NUBP2: variants seen among roughly 807,000 people sequenced by gnomAD.
NUBP2 encodes the protein NUBP iron-sulfur cluster assembly factor 2, cytosolic.
In NUBP2, 23 loss-of-function variants were observed where a neutral mutation model predicts 24.9. That is an observed-to-expected ratio of 0.92 (90% CI 0.66 to 1.31). The LOEUF is 1.31. NUBP2 is among the 50% of genes most tolerant of loss of function. NUBP2 has a pLI of 0.00. For missense variants in NUBP2, 403 were observed against 386.5 expected (o/e 1.04, Z -0.36); for synonymous variants, 186 against 170.9 (o/e 1.09, Z -0.69).
rs763798840 is a variant in NUBP2 at position 1,786,899 on chromosome 16, G to A, written c.278G>A (p.Gly93Asp). 7 of 1,556,448 alleles carry A rather than the reference G, an allele frequency of 4.5e-6. No individual in the cohort carries two copies. The African/African-American group carries it at 9.5e-5, about 21-fold the overall frequency. Residue 93 changes from glycine (G) to aspartate (D), a missense_variant, in exon 3 of 7, where the codon GGC becomes GAC. Transcript: ENST00000262302. ...CAGAGCATCTCGCTCATGTCTGTGG[G>A]CTTCCTGCTGGAGAAGCCGGACGAG... ...REQSISLMSVGFLLEKPDEAV... is the reference protein window; with the variant it reads ...REQSISLMSVDFLLEKPDEAV...
chr16:1,785,896 C>T (rs768689944), intron 1 of NUBP2: 39 of 1,286,296 alleles, frequency 3.0e-5, no homozygotes, highest in South Asian at 1.5e-4. Context: ...TCAGCGGTGG[C>T]GCCGGGGTGA....
In NUBP2 at chr16:1,786,868, C is replaced by G; in HGVS notation, c.247C>G (p.Arg83Gly). 6.3e-7 allele frequency: 1 copy of G among 1,589,646 alleles called. No individual in the cohort carries two copies. The highest frequency in any genetic ancestry group is 1.3e-5 in the African/African-American group (1 of 74,616). ...DRGWAPVFLD[R>G]EQSISLMSVG... ...CGGCTGGGCACCCGTCTTCCTGGAC[C>G]GGGAGCAGAGCATCTCGCTCATGTC... The change falls in exon 3 of 7, where the codon CGG (arginine) becomes GGG (glycine). Residue 83 changes from arginine (R) to glycine (G), a missense_variant. Transcript: ENST00000262302.
chr16:1,786,289 C>A, intron 1 of NUBP2: 1 of 541,102 alleles, frequency 1.8e-6, no homozygotes. Context: ...TTTCCACTCT[C>A]AGCAGCGCCG....
In NUBP2 at chr16:1,787,814, G is replaced by A. The variant is rs989535937; in HGVS notation, c.472G>A (p.Val158Met). Residue 158 changes from valine to methionine, a missense_variant, in exon 4 of 7, where the codon GTG becomes ATG. Transcript: ENST00000262302. ...LRPYQPLGAL[V>M]VTTPQAVSVG... ...TCCCTACCAGCCCCTGGGGGCCCTC[G>A]TGGTCACCACGCCCCAGGTAGCGCT... 15 of 1,611,234 alleles carry A rather than the reference G, an allele frequency of 9.3e-6. No homozygotes were observed. Among genetic ancestry groups the A allele is most frequent in the African/African-American group, 5.3e-5 (4 of 74,922 alleles).
rs200701229 is a variant in NUBP2 at position 1,787,959 on chromosome 16, G to T, written c.508G>T (p.Val170Leu). 7.0e-5 allele frequency: 113 copies of T among 1,604,668 alleles called. No homozygotes were observed. Among genetic ancestry groups the T allele is most frequent in the Non-Finnish European group, 9.3e-5 (110 of 1,177,298 alleles). ...CCCGCAGGCGGTGTCCGTGGGGGAC[G>T]TGAGGCGCGAGCTGACCTTCTGTAG... Reference protein sequence around the residue: ...TTPQAVSVGDVRRELTFCRKT... With the variant: ...TTPQAVSVGDLRRELTFCRKT... Residue 170 changes from valine to leucine, a missense_variant, in exon 5 of 7, where the codon GTG (valine) becomes TTG (leucine). Coordinates refer to ENST00000262302, the MANE Select transcript of NUBP2 (RefSeq NM_012225.4).
chr16:1,788,317 G>A (rs888213565), intron 6 of NUBP2, 110 bp downstream of exon 6: 211 of 1,165,744 alleles, frequency 1.8e-4, no homozygotes, highest in African/African-American at 1.4e-4. Context: ...GGACGGGAGC[G>A]GTTTCCTCCT....
chr16:1,785,548 C>A (rs987176669), intron 1 of NUBP2: 2 of 1,216,076 alleles, frequency 1.6e-6, no homozygotes, highest in Non-Finnish European at 2.1e-6. Context: ...ACTTCTGGTA[C>A]CTCTTGGTGT....
chr16:1,788,415 G>A lies in NUBP2; in HGVS notation c.671-154G>A, dbSNP rs569010402. ...GGGCCCTCTCGGGTGGCAGGACCCA[G>A]CCTGCTGGGAGGGCCGCGGGTCTGG... On this transcript the variant is annotated intron_variant, in intron 6 of 6. Transcript: ENST00000262302. 7.9e-5 allele frequency among the ~76,000 whole-genome samples: 12 copies of A among 152,344 alleles called. No individual in the cohort carries two copies. The South Asian group carries it at 1.5e-3, about 18-fold the overall frequency.
At chr16:1,786,325 T>TG in intron 1 of NUBP2, 1 of 578,408 alleles carries the variant, frequency 1.7e-6, no homozygotes, top group Non-Finnish European at 3.1e-6. Flanking sequence ...GGGAGTGCCG[T>TG]GGTCTTAGAG....
chr16:1,787,654 C>A, intron 3 of NUBP2, 23 bp from the exon 4 acceptor site: 1 of 1,609,676 alleles, frequency 6.2e-7, no homozygotes, highest in Non-Finnish European at 8.5e-7. Flanking sequence ...GCCCTGACCG[C>A]CCCGTCTGCC....
chr16:1,786,906 G>A lies in NUBP2; in HGVS notation c.285G>A (p.Leu95=). The A allele has an allele frequency of 1.3e-6, 2 of 1,551,214 alleles. No homozygotes were observed. The highest frequency in any genetic ancestry group is 1.7e-6 in the Non-Finnish European group (2 of 1,143,634). ...TCTCGCTCATGTCTGTGGGCTTCCT[G>A]CTGGAGAAGCCGGACGAGGCCGTGG... ...QSISLMSVGF[L]LEKPDEAVVW... is the part of the protein sequence containing the mutation. Residue 95 remains leucine, a synonymous_variant, in exon 3 of 7, where the codon CTG becomes CTA. Transcript: ENST00000262302.
At chr16:1,785,794 A>T (rs1435212885) in intron 1 of NUBP2, 1 of 1,289,076 alleles carries the variant, frequency 7.8e-7, no homozygotes, top group Non-Finnish European at 1.0e-6. Context: ...AGAAGGGGGC[A>T]GGTTTTACGC....
At chr16:1,786,486 G>A (rs1329414765) in intron 1 of NUBP2, 51 bp from the exon 2 acceptor site, 2 of 1,483,144 alleles carry the variant, frequency 1.3e-6, no homozygotes, top group East Asian at 2.3e-5. Flanking sequence ...CGCGTGTGTG[G>A]GCACAGTGGG....
intron 1 of NUBP2, chr16:1,783,420 G>A: frequency 2.0e-6 from 2 of 1,023,830 alleles, no homozygotes; most frequent in Non-Finnish European, 1.2e-6. Flanking sequence ...AATCACACGC[G>A]CGCAGTCATG....
chr16:1,785,800 T>G, intron 1 of NUBP2: 1 of 1,289,128 alleles, frequency 7.8e-7, no homozygotes, highest in Non-Finnish European at 1.0e-6. Context: ...GGGCAGGTTT[T>G]ACGCATCATG....
chr16:1,788,124 C>T lies in NUBP2; in HGVS notation c.601-14C>T. ...GGGGCTTTGGGCAGTGCTGGGCTCA[C>T]CACCGTCTCCTAGGAGTGCACCAGC... On this transcript the variant is annotated splice_polypyrimidine_tract_variant and intron_variant, in intron 5 of 6. Coordinates refer to ENST00000262302, the MANE Select transcript of NUBP2 (RefSeq NM_012225.4). 6.4e-7 allele frequency: 1 copy of T among 1,550,452 alleles called. No individual in the cohort carries two copies. The highest frequency in any genetic ancestry group is 8.7e-7 in the Non-Finnish European group (1 of 1,152,286).
chr16:1,788,681 G>C lies in NUBP2; in HGVS notation c.783G>C (p.Lys261Asn). Residue 261 changes from lysine (K) to asparagine (N), a missense_variant, in exon 7 of 7, where the codon AAG becomes AAC. Coordinates refer to ENST00000262302, the MANE Select transcript of NUBP2 (RefSeq NM_012225.4). ...CTGCACTCACCTCCATAGCCCAGAAGATTCTGGACGCGACGCCCGCGTGCC... is the reference window on the plus strand; with the variant it reads ...CTGCACTCACCTCCATAGCCCAGAACATTCTGGACGCGACGCCCGCGTGCC... Reference protein sequence around the residue: ...AFAALTSIAQKILDATPACLP With the variant: ...AFAALTSIAQNILDATPACLP 2 of 1,612,286 alleles carry C rather than the reference G, an allele frequency of 1.2e-6. No homozygotes were observed. The highest frequency in any genetic ancestry group is 4.5e-5 in the East Asian group (2 of 44,868).
In NUBP2 at chr16:1,783,025, AG is replaced by A; in HGVS notation, c.7del (p.Ala3ArgfsTer111). On this transcript the variant is annotated frameshift_variant, in exon 1 of 7. Transcript: ENST00000262302. LOFTEE classifies it high-confidence loss of function. Reference sequence around the variant, plus strand: ...CGAGCTCCTGGAGGCGGCGGGATGGAGGCGGCGGCCGGTGAGTGGCGGGCCA... The same window carrying A: ...CGAGCTCCTGGAGGCGGCGGGATGGAGCGGCGGCCGGTGAGTGGCGGGCCA... M[E>X]AAAEPGNLAG... 2.2e-6 allele frequency: 3 copies of A among 1,376,494 alleles called. No individual in the cohort carries two copies. Among genetic ancestry groups the A allele is most frequent in the Non-Finnish European group, 2.8e-6 (3 of 1,060,186 alleles). 85.3% of individuals were successfully genotyped at this position (1,376,494 alleles called of 1,614,324 possible).
intron 3 of NUBP2, 136 bp from the exon 4 acceptor site, chr16:1,787,541 C>A: frequency 8.5e-7 from 1 of 1,182,312 alleles, no homozygotes; most frequent in Non-Finnish European, 1.2e-6. Flanking sequence ...TCCCGAGAGC[C>A]TGTGATGGAG....
Sources: gnomAD v4.1 joint callset for allele counts (sites outside exome capture counted in the v4.1 genomes callset) on GRCh38, gnomAD v4.1.1 for gene constraint, MANE v1.5 for transcripts, NCBI Gene and HGNC (gene_info 2026-07-23, HGNC 2026-07-21) for gene names.